Variants in GNAO1 observed in about 807,000 individuals in gnomAD.
GNAO1 encodes the protein G protein subunit alpha o1.
For synonymous variants in GNAO1, 164 were observed against 180.7 expected (o/e 0.91, Z 0.74); for missense variants, 166 against 478.7 (o/e 0.35, Z 6.10).
intron 3 of GNAO1, among the ~76,000 whole-genome samples, chr16:56,319,423 T>A (rs2037549084): frequency 6.6e-6 from 1 of 152,062 alleles, no homozygotes; most frequent in Non-Finnish European, 1.5e-5. Flanking sequence ...TCCTGGTGGG[T>A]AGGAGCTGGG....
At chr16:56,236,420 A>C (rs2036637769) in intron 2 of GNAO1, among the ~76,000 whole-genome samples, 1 of 152,162 alleles carries the variant, frequency 6.6e-6, no homozygotes, top group African/African-American at 2.4e-5. Context: ...GGTAGATTAG[A>C]AGAGAGAAAG....
At chr16:56,349,608 T>C (rs2037903267) in intron 6 of GNAO1, among the ~76,000 whole-genome samples, 1 of 152,132 alleles carries the variant, frequency 6.6e-6, no homozygotes, top group African/African-American at 2.4e-5. Context: ...AATTTACTGA[T>C]TGAGGATAGG....
chr16:56,267,984 A>C (rs1052433424), intron 2 of GNAO1, among the ~76,000 whole-genome samples: 3 of 151,104 alleles, frequency 2.0e-5, no homozygotes, highest in Non-Finnish European at 4.4e-5. Flanking sequence ...ATTTGATTAG[A>C]TGTTTTTCTC....
chr16:56,193,939 A>G, intron 2 of GNAO1: 2 of 361,920 alleles, frequency 5.5e-6, no homozygotes, highest in Non-Finnish European at 1.1e-5. Context: ...AATAGCCGAA[A>G]TAATTGCATC....
At chr16:56,210,380 G>A (rs1296889901) in intron 2 of GNAO1, among the ~76,000 whole-genome samples, 9 of 152,156 alleles carry the variant, frequency 5.9e-5, no homozygotes, top group South Asian at 2.1e-4. Flanking sequence ...AAACATTCAC[G>A]TGCAGGTTTT....
At chr16:56,352,594 CAG>C (rs1231788305) in intron 7 of GNAO1, 2 of 152,320 alleles carry the variant, frequency 1.3e-5, no homozygotes, top group African/African-American at 4.8e-5. Context: ...GGCTCAGTCT[CAG>C]GGCCACACGG....
chr16:56,310,972 C>T (rs2037452200), intron 3 of GNAO1, among the ~76,000 whole-genome samples: 1 of 152,110 alleles, frequency 6.6e-6, no homozygotes, highest in Non-Finnish European at 1.5e-5. Flanking sequence ...AAGTGGTATG[C>T]TTCATTTTCA....
chr16:56,191,970 C>G lies in GNAO1; in HGVS notation c.-266C>G. The G allele has an allele frequency of 7.7e-6, 4 of 522,354 alleles. No individual in the cohort carries two copies. The allele number at this position is 522,354 out of a possible 1,614,324, so 32.4% of individuals were successfully genotyped here. On this transcript the variant is annotated 5_prime_UTR_variant, in exon 1 of 9. Coordinates refer to ENST00000262493, the MANE Select transcript of GNAO1 (RefSeq NM_020988.3). The surrounding 1 kb of genome is among the most constrained non-coding windows in gnomAD (Gnocchi z 4.7). ...GGCCCGCGGGCGCCTCCTCCCTTGG[C>G]TCCGGAGCCCCAGACCCCGGCCACC...
At chr16:56,202,917 C>T (rs376629050) in intron 2 of GNAO1, among the ~76,000 whole-genome samples, 2 of 152,184 alleles carry the variant, frequency 1.3e-5, no homozygotes, top group African/African-American at 4.8e-5. Flanking sequence ...CCAGAGGAAC[C>T]GGGTAATAAC....
At chr16:56,286,523 G>A (rs17281013) in intron 3 of GNAO1, among the ~76,000 whole-genome samples, 7,225 of 152,008 alleles carry the variant, frequency 0.048, 170 homozygotes, top group South Asian at 0.061. Flanking sequence ...TTTCACCCTC[G>A]ACTCCACAGC....
Position 56,191,814 on chromosome 16 carries a change from C to T in GNAO1, c.-422C>T. ...CCGCCGCCTCCTCCTCCTCCGGCAGCCGCGGCAGCAGGACCCACCCTGCCC... is the reference window on the plus strand; with the variant it reads ...CCGCCGCCTCCTCCTCCTCCGGCAGTCGCGGCAGCAGGACCCACCCTGCCC... On this transcript the variant is annotated 5_prime_UTR_variant, in exon 1 of 9. Transcript: ENST00000262493. The surrounding 1 kb of genome is among the most constrained non-coding windows in gnomAD (Gnocchi z 4.7). The T allele has an allele frequency of 8.9e-6, 2 of 223,782 alleles. No individual in the cohort carries two copies. The highest frequency in any genetic ancestry group is 1.7e-5 in the Non-Finnish European group (2 of 114,944). The allele number at this position is 223,782 out of a possible 1,614,324, so 13.9% of individuals were successfully genotyped here. A position where few individuals can be genotyped will look rare whatever the true frequency, so the allele number is the denominator to read the frequency against.
At chr16:56,238,512 A>G (rs1567450269) in intron 2 of GNAO1, among the ~76,000 whole-genome samples, 1 of 152,210 alleles carries the variant, frequency 6.6e-6, no homozygotes, top group Non-Finnish European at 1.5e-5. Flanking sequence ...TTTTCATGTT[A>G]ATAATGTCAA....
intron 3 of GNAO1, among the ~76,000 whole-genome samples, chr16:56,303,498 G>A (rs1291438020): frequency 1.3e-5 from 2 of 152,212 alleles, no homozygotes; most frequent in African/African-American, 2.4e-5. Flanking sequence ...CATTTTCTGT[G>A]TGGACAGACC....
At chr16:56,231,756 C>A (rs2036590383) in intron 2 of GNAO1, among the ~76,000 whole-genome samples, 1 of 152,238 alleles carries the variant, frequency 6.6e-6, no homozygotes, top group African/African-American at 2.4e-5. Flanking sequence ...TAGGCACTGG[C>A]ACCTGAAGTC....
chr16:56,355,907 CAG>C (rs1191857672), intron 8 of GNAO1, 194 bp from the exon 9 acceptor site: 1 of 142,078 alleles, frequency 7.0e-6, no homozygotes, highest in African/African-American at 2.9e-5. Context: ...TGACCCGAGT[CAG>C]GGTCTCAGGG....
chr16:56,305,019 T>G (rs1330151094), intron 3 of GNAO1, among the ~76,000 whole-genome samples: 3 of 152,214 alleles, frequency 2.0e-5, no homozygotes, highest in African/African-American at 7.2e-5. Flanking sequence ...GCAGCTACCC[T>G]CATGGCTGGT....
chr16:56,250,006 CAG>C (rs2143452729), intron 2 of GNAO1, among the ~76,000 whole-genome samples: 1 of 152,296 alleles, frequency 6.6e-6, no homozygotes, highest in South Asian at 2.1e-4. Flanking sequence ...ACTTGGCCAA[CAG>C]GGAAGAGAGA....
chr16:56,226,342 G>C (rs1349038452), intron 2 of GNAO1: 1 of 152,180 alleles, frequency 6.6e-6, no homozygotes, highest in African/African-American at 2.4e-5. Context: ...TGGGAGGGAG[G>C]CCCTTGTTGG....
At chr16:56,193,491 A>G (rs1041267953) in intron 2 of GNAO1, 1 of 163,806 alleles carries the variant, frequency 6.1e-6, no homozygotes, top group Non-Finnish European at 1.3e-5. Context: ...ATCTACCCAC[A>G]ATGCGGATTT....
Sources: allele counts gnomAD v4.1 joint callset (sites outside exome capture counted in the v4.1 genomes callset), GRCh38; gene constraint gnomAD v4.1.1; non-coding constraint Gnocchi (gnomAD v3.1); transcripts MANE v1.5; gene names NCBI Gene and HGNC (gene_info 2026-07-23, HGNC 2026-07-21).